The following ST6GALNAC5 variants were observed in gnomAD, a reference collection of about 807,000 sequenced individuals.
ST6GALNAC5 encodes ST6 N-acetylgalactosaminide alpha-2,6-sialyltransferase 5.
Under a neutral mutation model 33.6 loss-of-function variants are expected in ST6GALNAC5, and 27 were observed. That is an observed-to-expected ratio of 0.80 (90% confidence interval 0.59 to 1.11). The LOEUF is 1.11. ST6GALNAC5 is among the 50% of genes least tolerant of loss of function. ST6GALNAC5 has a pLI of 0.00. For synonymous variants in ST6GALNAC5, 194 were observed against 171.2 expected (o/e 1.13, Z -1.04); for missense variants, 428 against 454.0 (o/e 0.94, Z 0.52).
At chr1:76,970,455 A>C (rs1648701718) in intron 2 of ST6GALNAC5, among the ~76,000 whole-genome samples, 1 of 151,998 alleles carries the variant, frequency 6.6e-6, no homozygotes, top group African/African-American at 2.4e-5. Flanking sequence ...AAAAGGTATC[A>C]GTGATTGAAG....
chr1:76,926,396 C>T (rs1647085914), intron 2 of ST6GALNAC5, among the ~76,000 whole-genome samples: 1 of 152,154 alleles, frequency 6.6e-6, no homozygotes, highest in African/African-American at 2.4e-5. Context: ...TACCTACACA[C>T]ACAGGTATCT....
At chr1:76,907,955 G>A (rs778535537) in intron 2 of ST6GALNAC5, among the ~76,000 whole-genome samples, 2 of 152,154 alleles carry the variant, frequency 1.3e-5, no homozygotes, top group Non-Finnish European at 2.9e-5. Context: ...CACTTGAGAT[G>A]TTTCAAGCAT....
At chr1:76,993,748 T>G (rs1649822046) in intron 2 of ST6GALNAC5, among the ~76,000 whole-genome samples, 1 of 152,196 alleles carries the variant, frequency 6.6e-6, no homozygotes, top group African/African-American at 2.4e-5. Context: ...CTGGAAACAC[T>G]CTTTGAATGC....
intron 2 of ST6GALNAC5, among the ~76,000 whole-genome samples, chr1:76,890,337 T>C (rs530946622): frequency 1.3e-3 from 200 of 152,304 alleles, no homozygotes; most frequent in Non-Finnish European, 2.4e-3. Context: ...TTACGTTCCC[T>C]ATGCTTGCTG....
At chr1:76,957,371 C>T (rs1276557557) in intron 2 of ST6GALNAC5, among the ~76,000 whole-genome samples, 1 of 152,168 alleles carries the variant, frequency 6.6e-6, no homozygotes, top group Non-Finnish European at 1.5e-5. Context: ...TGTCCCTCCT[C>T]TCTTCTTATA....
chr1:76,934,730 T>G (rs1004584758), intron 2 of ST6GALNAC5, among the ~76,000 whole-genome samples: 1 of 151,998 alleles, frequency 6.6e-6, no homozygotes, highest in South Asian at 2.1e-4. Flanking sequence ...AATATTTTGG[T>G]AGTTATTAAC....
chr1:77,041,383 G>A (rs1346607840), intron 2 of ST6GALNAC5, among the ~76,000 whole-genome samples: 1 of 152,108 alleles, frequency 6.6e-6, no homozygotes, highest in African/African-American at 2.4e-5. Context: ...ATTAAGGTTG[G>A]CGCAAAAGTA....
At chr1:77,001,935 A>G (rs1482413091) in intron 2 of ST6GALNAC5, among the ~76,000 whole-genome samples, 1 of 152,096 alleles carries the variant, frequency 6.6e-6, no homozygotes, top group Non-Finnish European at 1.5e-5. Flanking sequence ...CATCAAGGAT[A>G]TTGGTCTAAA....
intron 2 of ST6GALNAC5, among the ~76,000 whole-genome samples, chr1:77,003,350 C>T (rs1455190111): frequency 6.9e-6 from 1 of 145,220 alleles, no homozygotes; most frequent in South Asian, 2.3e-4. Flanking sequence ...CTTGGTAGAT[C>T]TTCCTCCATC....
chr1:76,970,071 G>C (rs858596), intron 2 of ST6GALNAC5, among the ~76,000 whole-genome samples: 5 of 151,482 alleles, frequency 3.3e-5, no homozygotes, highest in Non-Finnish European at 7.4e-5. Context: ...AAGACCAAAG[G>C]TAGAGAAAAC....
intron 2 of ST6GALNAC5, among the ~76,000 whole-genome samples, chr1:77,019,039 T>G (rs568395930): frequency 1.3e-5 from 2 of 152,304 alleles, no homozygotes; most frequent in East Asian, 3.9e-4. Context: ...AGCAGTGAAA[T>G]GATATCAATT....
At chr1:77,013,129 G>A (rs1037029610) in intron 2 of ST6GALNAC5, among the ~76,000 whole-genome samples, 4 of 152,134 alleles carry the variant, frequency 2.6e-5, no homozygotes, top group South Asian at 2.1e-4. Flanking sequence ...GCGGGTGCAC[G>A]GTGAGCAACC....
At chr1:76,870,565 T>G (rs866031326) in intron 2 of ST6GALNAC5, among the ~76,000 whole-genome samples, 17 of 152,332 alleles carry the variant, frequency 1.1e-4, no homozygotes, top group African/African-American at 3.8e-4. Context: ...ACCACAAATA[T>G]GTTTGATTTC....
intron 3 of ST6GALNAC5, among the ~76,000 whole-genome samples, chr1:77,045,762 A>G (rs1248772830): frequency 1.3e-5 from 2 of 152,146 alleles, no homozygotes; most frequent in Non-Finnish European, 2.9e-5. Context: ...GGCTGCAGTC[A>G]GGAGAACTAG....
intron 2 of ST6GALNAC5, among the ~76,000 whole-genome samples, chr1:76,894,527 G>C (rs74092213): frequency 0.061 from 9,355 of 152,164 alleles, 759 homozygotes; most frequent in African/African-American, 0.19. Flanking sequence ...TGCCAAATGG[G>C]CCTTCCCTGA....
At chr1:76,943,976 C>T (rs1252501714) in intron 2 of ST6GALNAC5, among the ~76,000 whole-genome samples, 1 of 152,064 alleles carries the variant, frequency 6.6e-6, no homozygotes, top group African/African-American at 2.4e-5. Flanking sequence ...GGTTTGTGCA[C>T]ATAGGGTTCC....
intron 2 of ST6GALNAC5, among the ~76,000 whole-genome samples, chr1:76,981,181 G>A (rs1300044812): frequency 6.6e-6 from 1 of 152,190 alleles, no homozygotes; most frequent in African/African-American, 2.4e-5. Context: ...CTGAAGCAGA[G>A]CGGGCATCGC....
At chr1:77,043,334 T>C (rs553677143) in intron 2 of ST6GALNAC5, among the ~76,000 whole-genome samples, 1 of 152,356 alleles carries the variant, frequency 6.6e-6, no homozygotes, top group East Asian at 1.9e-4. Flanking sequence ...AAGCAAATCA[T>C]TGGTTCAGGG....
At chr1:76,933,444 T>TA (rs1037478638) in intron 2 of ST6GALNAC5, among the ~76,000 whole-genome samples, 5 of 151,772 alleles carry the variant, frequency 3.3e-5, no homozygotes, top group African/African-American at 1.2e-4. Context: ...TAATATGTTT[T>TA]AAAAAAAGAT....
Sources: allele counts gnomAD v4.1 joint callset (sites outside exome capture counted in the v4.1 genomes callset), GRCh38; gene constraint gnomAD v4.1.1; transcripts MANE v1.5; gene names NCBI Gene and HGNC (gene_info 2026-07-23, HGNC 2026-07-21).